The following ENOX1 variants were observed in gnomAD, a reference collection of about 807,000 sequenced individuals.
The protein encoded by ENOX1 is candidate growth-related and time keeping constitutive hydroquinone (NADH) oxidase.
ENOX1 carries 42 observed loss-of-function variants against 82.5 expected under a neutral mutation model. The ratio of observed to expected loss-of-function variants is 0.51; its 90% CI spans 0.40 to 0.66. The LOEUF (loss-of-function observed/expected upper bound fraction) is 0.66, where lower values mean the gene tolerates loss of function less well. Among genes scored for constraint, ENOX1 ranks in the 30% least tolerant of loss-of-function variants. ENOX1 has a pLI of 0.00. For missense variants in ENOX1, 608 were observed against 811.6 expected, an observed-to-expected ratio of 0.75 and a Z score of 3.05; for synonymous variants, 271 against 282.2, an observed-to-expected ratio of 0.96 and a Z score of 0.40.
rs1264693245 is a variant in ENOX1, at chr13:43,445,317, G to A, written c.-74-32329C>T. On this transcript the variant is annotated intron_variant, in intron 3 of 16. Transcript: ENST00000690772. The stretch of plus-strand genomic sequence containing the variant: ...TTTTTGTATTTTTAGTAGAGATGGG[G>A]TTTCACCGTGTTAGCCAGGATGGTC... Among the ~76,000 whole-genome samples, 5 of 152,072 alleles carry A rather than the reference G, an allele frequency of 3.3e-5. No homozygotes were observed. The South Asian group carries it at 1.0e-3, about 32-fold the overall frequency.
intron 1 of ENOX1, among the ~76,000 whole-genome samples, chr13:43,706,977 G>A (rs949393472): frequency 2.6e-5 from 4 of 151,720 alleles, no homozygotes; most frequent in Admixed American, 6.6e-5. Context: ...CCTCACTCCC[G>A]ACCCAGACAA....
chr13:43,541,613 C>A (rs2078732455), intron 2 of ENOX1, among the ~76,000 whole-genome samples: 1 of 152,192 alleles, frequency 6.6e-6, no homozygotes, highest in African/African-American at 2.4e-5. Context: ...CAGGTTGACA[C>A]TGTCTCTAAA....
chr13:43,646,625 T>C (rs2083906053), intron 2 of ENOX1, among the ~76,000 whole-genome samples: 1 of 152,172 alleles, frequency 6.6e-6, no homozygotes, highest in African/African-American at 2.4e-5. Flanking sequence ...CGCTGATTGA[T>C]TACATGCTGT....
chr13:43,396,581 A>G (rs577071032), intron 5 of ENOX1, among the ~76,000 whole-genome samples: 2 of 152,120 alleles, frequency 1.3e-5, no homozygotes, highest in East Asian at 3.9e-4. Context: ...CGGTTTCACC[A>G]TGTTGGCCAG....
intron 2 of ENOX1, among the ~76,000 whole-genome samples, chr13:43,518,963 A>C (rs2077658536): frequency 6.6e-6 from 1 of 152,156 alleles, no homozygotes; most frequent in South Asian, 2.1e-4. Flanking sequence ...CAGCATCAAA[A>C]TGAGTGATTC....
chr13:43,536,518 C>CT (rs1416474137), intron 2 of ENOX1, among the ~76,000 whole-genome samples: 1 of 150,586 alleles, frequency 6.6e-6, no homozygotes, highest in African/African-American at 2.5e-5. Flanking sequence ...AAGATAATTA[C>CT]TTTTTGGACT....
In ENOX1 at chr13:43,401,703, A is replaced by G. The variant is rs796529924; in HGVS notation, c.208+10213T>C. On this transcript the variant is annotated intron_variant, in intron 5 of 16. Transcript: ENST00000690772. ...CTGAAGCTCACAAAGGACAGGGAGT[A>G]GCTCAAGTTCTCGAGATCCAGAGAG... is the stretch of plus-strand genomic sequence containing the variant. Among the ~76,000 whole-genome samples, 8 of 152,322 alleles carry G rather than the reference A, an allele frequency of 5.3e-5. 1 individual carries two copies. The highest frequency in any genetic ancestry group is 2.6e-4 in the Admixed American group (4 of 15,298).
At chr13:43,285,184 A>C (rs1201716606) in intron 12 of ENOX1, among the ~76,000 whole-genome samples, 1 of 152,204 alleles carries the variant, frequency 6.6e-6, no homozygotes, top group Non-Finnish European at 1.5e-5. Flanking sequence ...CTAACCATCT[A>C]ACATCTTGGA....
chr13:43,532,793 T>C lies in ENOX1; in HGVS notation c.-218-48641A>G, dbSNP rs2078286697. ...ATGTGAAAGGATACTAACCTTCTTGTTATATGTTTTGTTTTCAAAAATATA... is the reference window on the plus strand; with the variant it reads ...ATGTGAAAGGATACTAACCTTCTTGCTATATGTTTTGTTTTCAAAAATATA... On this transcript the variant is annotated intron_variant, in intron 2 of 16. Coordinates refer to ENST00000690772, the MANE Select transcript of ENOX1 (RefSeq NM_001347969.2). 2.6e-5 allele frequency among the ~76,000 whole-genome samples: 4 copies of C among 151,982 alleles called. No homozygotes were observed. The South Asian group carries it at 8.3e-4, about 31-fold the overall frequency.
intron 2 of ENOX1, among the ~76,000 whole-genome samples, chr13:43,613,058 C>T (rs9533552): frequency 0.23 from 35,594 of 151,832 alleles, 4,440 homozygotes; most frequent in Non-Finnish European, 0.29. Flanking sequence ...TTTTTTAAAA[C>T]GTTGTACATG....
chr13:43,357,518 G>A (rs1164912900), intron 7 of ENOX1, among the ~76,000 whole-genome samples: 1 of 152,148 alleles, frequency 6.6e-6, no homozygotes, highest in Non-Finnish European at 1.5e-5. Context: ...CAGATGTGCA[G>A]AATTAATGCA....
chr13:43,477,717 T>C (rs1983792), intron 3 of ENOX1, among the ~76,000 whole-genome samples: 115,895 of 151,812 alleles, frequency 0.76, 44,420 homozygotes, highest in East Asian at 0.98. Context: ...CTTTTTTTTC[T>C]TTATGGGGTG....
At chr13:43,571,759 T>C (rs1197215764) in intron 2 of ENOX1, among the ~76,000 whole-genome samples, 1 of 152,008 alleles carries the variant, frequency 6.6e-6, no homozygotes. Context: ...TGTTTAAAAA[T>C]AGAGAAATAT....
chr13:43,258,183 C>G (rs140203609), intron 14 of ENOX1, among the ~76,000 whole-genome samples: 1 of 152,320 alleles, frequency 6.6e-6, no homozygotes, highest in African/African-American at 2.4e-5. Flanking sequence ...CGTGAGCCAG[C>G]TTCTGTCTGT....
intron 3 of ENOX1, among the ~76,000 whole-genome samples, chr13:43,470,275 TATATATACATATATATATACAC>T (rs2057947800): frequency 2.0e-5 from 1 of 50,430 alleles, no homozygotes; most frequent in Admixed American, 1.6e-4. Flanking sequence ...TATATACACA[TATATATACATATATATATACAC>T]ATATATATAC....
In ENOX1 at chr13:43,593,667, TGTACACACACAC is replaced by T. The variant is rs2081340907; in HGVS notation, c.-219+73800_-219+73811del. 1.6e-4 allele frequency among the ~76,000 whole-genome samples: 4 copies of T among 24,748 alleles called. 2 individuals are homozygous for T. Among genetic ancestry groups the T allele is most frequent in the African/African-American group, 2.8e-4 (2 of 7,102 alleles). 16.2% of individuals were successfully genotyped at this position (24,748 alleles called of 152,430 possible). On this transcript the variant is annotated intron_variant, in intron 2 of 16. Transcript: ENST00000690772. Reference sequence around the variant, plus strand: ...CACCCCCACCCTGCCACCCAATCTCTGTACACACACACACACACACACACACACACACACACA... The same window carrying T: ...CACCCCCACCCTGCCACCCAATCTCTACACACACACACACACACACACACA...
intron 1 of ENOX1, among the ~76,000 whole-genome samples, chr13:43,704,185 G>T (rs1256322312): frequency 6.6e-6 from 1 of 151,790 alleles, no homozygotes; most frequent in African/African-American, 2.4e-5. Context: ...CAGAAAAGAA[G>T]AAGAAAAAGT....
chr13:43,299,451 C>A (rs1053500818), intron 11 of ENOX1, among the ~76,000 whole-genome samples: 1 of 152,094 alleles, frequency 6.6e-6, no homozygotes. Flanking sequence ...TCACTTCATA[C>A]CCCCACCAAG....
At chr13:43,301,022 T>A (rs972686973) in intron 11 of ENOX1, among the ~76,000 whole-genome samples, 1 of 152,204 alleles carries the variant, frequency 6.6e-6, no homozygotes, top group Admixed American at 6.5e-5. Flanking sequence ...AAGGAAATGG[T>A]TATGAGGATT....
Sources: allele counts gnomAD v4.1 joint callset (sites outside exome capture counted in the v4.1 genomes callset), GRCh38; gene constraint gnomAD v4.1.1; transcripts MANE v1.5; gene names NCBI Gene and HGNC (gene_info 2026-07-23, HGNC 2026-07-21).